REPS2: variants seen among roughly 807,000 people sequenced by gnomAD.
The protein encoded by REPS2 is RALBP1 associated Eps domain containing 2.
Under a neutral mutation model 53.6 loss-of-function variants are expected in REPS2, and 23 were observed. The observed-to-expected ratio is 0.43, with a 90% CI of 0.31 to 0.61. REPS2 has a LOEUF of 0.61. Ranked by LOEUF, REPS2 falls within the 20% of genes least tolerant of loss-of-function variation. The pLI, the probability that REPS2 is intolerant of heterozygous loss-of-function variation, is 0.11. For missense variants in REPS2, 446 were observed against 534.9 expected, an observed-to-expected ratio of 0.83 and a Z score of 1.64; for synonymous variants, 238 against 218.6, an observed-to-expected ratio of 1.09 and a Z score of -0.78.
At chrX:17,058,453 A>C (rs1458553418) in intron 8 of REPS2, among the ~76,000 whole-genome samples, 1 of 6,123 alleles carries the variant, frequency 1.6e-4, no homozygotes, top group African/African-American at 1.1e-3. Flanking sequence ...ACTCCTTCTC[A>C]AAAAAAAAAA....
the REPS2 span, among the ~76,000 whole-genome samples, chrX:17,162,680 G>A: frequency 8.9e-6 from 1 of 112,783 alleles, no homozygotes; most frequent in Admixed American, 9.3e-5. Flanking sequence ...CTGGCTGAGT[G>A]TTAAAGGTGT....
At chrX:17,066,110 C>T (rs750988828) in intron 9 of REPS2, among the ~76,000 whole-genome samples, 1 of 111,994 alleles carries the variant, frequency 8.9e-6, no homozygotes, top group South Asian at 3.7e-4. Context: ...TCTGGGTTTT[C>T]AGTTCTATTC....
intron 13 of REPS2, chrX:17,100,269 C>G (rs1296912697): frequency 1.8e-6 from 1 of 563,762 alleles, no homozygotes; most frequent in African/African-American, 2.2e-5. Context: ...TCCTGTTCCT[C>G]CTCTTCTAGC....
rs1175651720 is a variant in REPS2 at position 17,151,885 on chromosome X, T to G, written c.*4404T>G. On this transcript the variant is annotated 3_prime_UTR_variant, in exon 18 of 18. Transcript: ENST00000357277. ...GGTGTTTTGTTACTTTTTTTTTTTT[T>G]GTATCATGACTCAGTATGGTTCAAT... 1 of 110,187 alleles carries G rather than the reference T, an allele frequency of 9.1e-6. No homozygotes were observed. Among genetic ancestry groups the G allele is most frequent in the Non-Finnish European group, 1.9e-5 (1 of 52,742 alleles). 9.1% of individuals were successfully genotyped at this position (110,187 alleles called of 1,213,427 possible).
At chrX:17,147,242 C>T (rs190787265) in intron 17 of REPS2, among the ~76,000 whole-genome samples, 171 bp from the exon 18 acceptor site, 2 of 111,733 alleles carry the variant, frequency 1.8e-5, no homozygotes, top group East Asian at 2.8e-4. Flanking sequence ...CCCCTTTTGT[C>T]TGGTCACCAG....
intron 13 of REPS2, among the ~76,000 whole-genome samples, chrX:17,102,282 A>G (rs926747845): frequency 3.6e-5 from 4 of 111,052 alleles, no homozygotes; most frequent in East Asian, 2.8e-4. Flanking sequence ...GGGTTTATCC[A>G]TGTTGCCTAT....
intron 1 of REPS2, among the ~76,000 whole-genome samples, chrX:16,965,790 A>G (rs1479102006): frequency 8.9e-6 from 1 of 112,490 alleles, no homozygotes; most frequent in Non-Finnish European, 1.9e-5. Context: ...GTGAGCTGAG[A>G]TCACGCCACT....
chrX:17,005,774 T>C (rs2061356236), intron 1 of REPS2, among the ~76,000 whole-genome samples: 1 of 112,183 alleles, frequency 8.9e-6, no homozygotes, highest in Admixed American at 9.4e-5. Flanking sequence ...TTGTTTTGCC[T>C]GAGGACTTTA....
At chrX:17,101,245 G>A (rs2062794943) in intron 13 of REPS2, among the ~76,000 whole-genome samples, 1 of 108,726 alleles carries the variant, frequency 9.2e-6, no homozygotes, top group Non-Finnish European at 1.9e-5. Flanking sequence ...TGTATTTTTA[G>A]TAGAGATGGG....
In REPS2 at chrX:17,066,590, A is replaced by T. The variant is rs571369773; in HGVS notation, c.1210-1812A>T. ...GATAGTAGACTTTGAATAGAAAATT[A>T]TATCTGGATACTTCGTTTTAATGAG... On this transcript the variant is annotated intron_variant, in intron 9 of 17. Coordinates refer to ENST00000357277, the MANE Select transcript of REPS2 (RefSeq NM_004726.3). Among the ~76,000 whole-genome samples the T allele has an allele frequency of 2.0e-4, 23 of 112,487 alleles. 2 individuals are homozygous for T. The highest frequency in any genetic ancestry group is 3.8e-4 in the Admixed American group (4 of 10,574).
the REPS2 span, among the ~76,000 whole-genome samples, chrX:17,188,878 A>G: frequency 8.9e-6 from 1 of 112,197 alleles, no homozygotes; most frequent in Middle Eastern, 4.6e-3. Context: ...GCCAAGCACT[A>G]TTCTGGAATT....
chrX:17,075,084 A>G (rs1191655187), intron 12 of REPS2, among the ~76,000 whole-genome samples: 1 of 112,037 alleles, frequency 8.9e-6, no homozygotes, highest in Non-Finnish European at 1.9e-5. Flanking sequence ...ACAGATATCT[A>G]TATTTTTATA....
intron 5 of REPS2, among the ~76,000 whole-genome samples, chrX:17,044,928 T>C (rs762841136): frequency 9.0e-6 from 1 of 111,626 alleles, no homozygotes; most frequent in African/African-American, 3.3e-5. Flanking sequence ...TGATTTTTTT[T>C]GCTTTACTTA....
chrX:17,030,722 A>G (rs2061699232), intron 5 of REPS2, among the ~76,000 whole-genome samples: 1 of 112,331 alleles, frequency 8.9e-6, no homozygotes, highest in Non-Finnish European at 1.9e-5. Context: ...TGCTGCTTCT[A>G]ATAGTATAAG....
chrX:17,123,289 A>G (rs1028051533), intron 14 of REPS2, among the ~76,000 whole-genome samples: 3 of 112,281 alleles, frequency 2.7e-5, no homozygotes, highest in Admixed American at 1.9e-4. Flanking sequence ...GGCTTTAGGT[A>G]TGTGATATAG....
intron 1 of REPS2, among the ~76,000 whole-genome samples, chrX:16,992,479 A>G (rs1430322390): frequency 8.9e-6 from 1 of 112,367 alleles, no homozygotes; most frequent in African/African-American, 3.2e-5. Context: ...GTCCTTAGAT[A>G]TTTGGACTGA....
Position 17,047,467 on chromosome X carries a change from A to G in REPS2, c.892A>G (p.Ser298Gly), listed in dbSNP as rs750774947. The change falls in exon 6 of 18, where the codon AGC becomes GGC. Residue 298 changes from serine to glycine, a missense_variant. By Grantham distance (56) the Ser-to-Gly change is moderately conservative. Coordinates refer to ENST00000357277, the MANE Select transcript of REPS2 (RefSeq NM_004726.3). ...GTTCCGATCCCTTCAGCCAGACCCA[A>G]GCTCTTTCATTTCAGGTAAGAATGT... ...NQFRSLQPDP[S>G]SFISGSVAKN... 12 of 1,207,756 alleles carry G rather than the reference A, an allele frequency of 9.9e-6. No homozygotes were observed. The highest frequency in any genetic ancestry group is 3.0e-5 in the East Asian group (1 of 33,675).
chrX:16,967,481 C>T, intron 1 of REPS2, among the ~76,000 whole-genome samples: 1 of 110,310 alleles, frequency 9.1e-6, no homozygotes, highest in Non-Finnish European at 1.9e-5. Flanking sequence ...CAAGACCAGC[C>T]TGGGCAACAC....
At chrX:17,183,361 CA>C in the REPS2 span, among the ~76,000 whole-genome samples, 3 of 111,506 alleles carry the variant, frequency 2.7e-5, no homozygotes, top group Non-Finnish European at 5.7e-5. Context: ...CATTGTACCC[CA>C]AAAATATATA....
Sources: gnomAD v4.1 joint callset for allele counts (sites outside exome capture counted in the v4.1 genomes callset) on GRCh38, gnomAD v4.1.1 for gene constraint, MANE v1.5 for transcripts, NCBI Gene and HGNC (gene_info 2026-07-23, HGNC 2026-07-21) for gene names.